The following LPA variants were observed in gnomAD, a reference collection of about 807,000 sequenced individuals.
LPA encodes the protein apolipoprotein(a).
Under a neutral mutation model 197.9 loss-of-function variants are expected in LPA, and 199 were observed. That is an observed-to-expected ratio of 1.01 (90% CI 0.90 to 1.13). The LOEUF (loss-of-function observed/expected upper bound fraction) is 1.13. Ranked by LOEUF, LPA falls within the 50% of genes most tolerant of loss-of-function variation. The probability of loss-of-function intolerance (pLI) is 0.00; values close to 1 mark genes in which losing one functional copy is unlikely to be tolerated. For missense variants in LPA, 1,853 were observed against 1,785.8 expected (o/e 1.04, Z -0.68); for synonymous variants, 715 against 639.5 (o/e 1.12, Z -1.78).
intron 30 of LPA, among the ~76,000 whole-genome samples, chr6:160,552,909 C>A (rs1355286846): frequency 1.3e-5 from 2 of 152,030 alleles, no homozygotes; most frequent in African/African-American, 4.8e-5. Flanking sequence ...CTTTTATATT[C>A]TTTATTCCTC....
rs538234534 is a variant in LPA, at chr6:160,566,455, AC to A, written c.4632-8885del. 5.4e-3 allele frequency among the ~76,000 whole-genome samples: 819 copies of A among 152,344 alleles called. 15 individuals are homozygous for A. Among genetic ancestry groups the A allele is most frequent in the African/African-American group, 0.019 (804 of 41,574 alleles). ...CAAGCAAATGCTGAGAGATTTTGTC[AC>A]CACCAGGCCTGCCTTACAAGAGCTC... On this transcript the variant is annotated intron_variant, in intron 28 of 38. Coordinates refer to ENST00000316300, the MANE Select transcript of LPA (RefSeq NM_005577.4).
intron 28 of LPA, 114 bp from the exon 29 acceptor site, chr6:160,557,685 C>T: frequency 1.1e-6 from 1 of 875,480 alleles, no homozygotes; most frequent in Non-Finnish European, 1.9e-6. Flanking sequence ...GTAATATTCC[C>T]ATTTTAGGTA....
intron 29 of LPA, among the ~76,000 whole-genome samples, chr6:160,556,809 G>T (rs1778272785): frequency 6.6e-6 from 1 of 152,088 alleles, no homozygotes; most frequent in African/African-American, 2.4e-5. Flanking sequence ...CACCAAAGAT[G>T]CACGTTCCAT....
intron 1 of LPA, among the ~76,000 whole-genome samples, chr6:160,654,125 G>A (rs1371662214): frequency 1.6e-5 from 1 of 63,066 alleles, no homozygotes; most frequent in Admixed American, 2.2e-4. Context: ...GTATATAAAG[G>A]GGATCTTATT....
intron 30 of LPA, among the ~76,000 whole-genome samples, chr6:160,549,841 C>A (rs1476363681): frequency 1.3e-5 from 2 of 152,130 alleles, no homozygotes; most frequent in African/African-American, 4.8e-5. Context: ...AACAGTGGGA[C>A]CCAAGGCATA....
At chr6:160,537,422 T>C (rs913122882) in intron 37 of LPA, among the ~76,000 whole-genome samples, 4 of 152,190 alleles carry the variant, frequency 2.6e-5, no homozygotes, top group Non-Finnish European at 4.4e-5. Flanking sequence ...GTCGTTACTG[T>C]TTTGCACCAT....
chr6:160,605,732 G>A (rs35600881), intron 17 of LPA, among the ~76,000 whole-genome samples: 28,649 of 152,134 alleles, frequency 0.19, 3,546 homozygotes, highest in East Asian at 0.42. Context: ...CTTCGTCTAG[G>A]ACTGCAGACA....
chr6:160,592,736 A>T (rs147131937), intron 22 of LPA, among the ~76,000 whole-genome samples: 85 of 152,264 alleles, frequency 5.6e-4, no homozygotes, highest in African/African-American at 1.9e-3. Context: ...ATCCTTTTAG[A>T]CTGGCTTGGA....
chr6:160,663,874 G>A (rs1780265640), intron 1 of LPA, among the ~76,000 whole-genome samples: 2 of 152,316 alleles, frequency 1.3e-5, no homozygotes, highest in Non-Finnish European at 2.9e-5. Context: ...TGCATAGTTA[G>A]CTACAATGGC....
intron 28 of LPA, among the ~76,000 whole-genome samples, chr6:160,565,604 A>G (rs1207718647): frequency 6.6e-6 from 1 of 152,198 alleles, no homozygotes; most frequent in South Asian, 2.1e-4. Context: ...AATTCTAAAA[A>G]TCAGGGTGCC....
At chr6:160,593,774 A>C (rs997687070) in intron 22 of LPA, among the ~76,000 whole-genome samples, 184 bp downstream of exon 22, 10 of 152,224 alleles carry the variant, frequency 6.6e-5, no homozygotes, top group Admixed American at 3.3e-4. Context: ...CTATGAGAAA[A>C]GAGAGCTGGC....
At chr6:160,559,263 T>C (rs1295511616) in intron 28 of LPA, among the ~76,000 whole-genome samples, 2 of 152,232 alleles carry the variant, frequency 1.3e-5, no homozygotes, top group African/African-American at 4.8e-5. Flanking sequence ...GGAGGAAATG[T>C]AAATGATCTC....
intron 28 of LPA, among the ~76,000 whole-genome samples, chr6:160,558,526 A>G (rs892385240): frequency 2.0e-5 from 3 of 152,238 alleles, no homozygotes; most frequent in African/African-American, 7.2e-5. Context: ...GCTCCCAGAC[A>G]GGATGCCATT....
chr6:160,550,545 T>C (rs529162673), intron 30 of LPA, among the ~76,000 whole-genome samples: 4 of 152,328 alleles, frequency 2.6e-5, no homozygotes, highest in South Asian at 2.1e-4. Context: ...TATATTTTCA[T>C]GTATAGTCAA....
At chr6:160,577,014 C>T in intron 28 of LPA, 122 bp downstream of exon 28, 2 of 1,204,112 alleles carry the variant, frequency 1.7e-6, no homozygotes, top group Non-Finnish European at 2.5e-6. Context: ...GGTCCTGAGA[C>T]ATTTTGCCAA....
chr6:160,653,969 T>C (rs1359033298), intron 1 of LPA, among the ~76,000 whole-genome samples: 1 of 18,474 alleles, frequency 5.4e-5, no homozygotes, highest in Non-Finnish European at 9.2e-5. Flanking sequence ...ATATATATTA[T>C]ATATAATATA....
intron 20 of LPA, 41 bp downstream of exon 20, chr6:160,599,459 A>C: frequency 1.2e-6 from 2 of 1,611,432 alleles, no homozygotes; most frequent in Non-Finnish European, 1.7e-6. Context: ...AGAAACTTCC[A>C]TTGGCCCTTC....
intron 28 of LPA, among the ~76,000 whole-genome samples, chr6:160,576,717 T>C (rs368082798): frequency 1.4e-4 from 20 of 144,284 alleles, no homozygotes; most frequent in African/African-American, 1.8e-4. Context: ...TATATATATA[T>C]ACACATCTTA....
intron 28 of LPA, among the ~76,000 whole-genome samples, chr6:160,558,685 T>C (rs1482776461): frequency 6.6e-6 from 1 of 152,052 alleles, no homozygotes; most frequent in African/African-American, 2.4e-5. Context: ...GGGTAGACAA[T>C]GGGATCTGAA....
Sources: gnomAD v4.1 joint callset for allele counts (sites outside exome capture counted in the v4.1 genomes callset) on GRCh38, gnomAD v4.1.1 for gene constraint, MANE v1.5 for transcripts, NCBI Gene and HGNC (gene_info 2026-07-23, HGNC 2026-07-21) for gene names.